Variants in CDH8 observed in about 807,000 individuals in gnomAD.
CDH8 encodes the protein cadherin 8, also known as cadherin-8.
A neutral mutation model predicts 68.1 loss-of-function variants in CDH8; 17 were observed. The observed-to-expected ratio is 0.25, with a 90% CI of 0.17 to 0.37. The LOEUF (loss-of-function observed/expected upper bound fraction) is 0.37. CDH8 is among the 10% of genes least tolerant of loss of function. The pLI, the probability that CDH8 is intolerant of heterozygous loss-of-function variation, is 1.00. For missense variants in CDH8, 763 were observed against 999.3 expected (o/e 0.76, Z 3.19); for synonymous variants, 372 against 365.1 (o/e 1.02, Z -0.21).
At chr16:61,903,155 T>A (rs1964007028) in intron 2 of CDH8, among the ~76,000 whole-genome samples, 1 of 152,176 alleles carries the variant, frequency 6.6e-6, no homozygotes, top group Non-Finnish European at 1.5e-5. Flanking sequence ...TTACATTTGG[T>A]GTCATTATTA....
chr16:61,836,047 T>A (rs189501750), intron 4 of CDH8, among the ~76,000 whole-genome samples: 1 of 152,058 alleles, frequency 6.6e-6, no homozygotes, highest in East Asian at 1.9e-4. Flanking sequence ...TCACAGAGTA[T>A]AATAGGTACT....
At chr16:61,911,517 G>C (rs978498144) in intron 2 of CDH8, among the ~76,000 whole-genome samples, 4 of 151,998 alleles carry the variant, frequency 2.6e-5, no homozygotes, top group African/African-American at 9.7e-5. Context: ...ACTAAAGCAG[G>C]CATAGGCGTT....
At chr16:61,655,318 T>G in intron 11 of CDH8, 152 bp downstream of exon 11, 1 of 741,660 alleles carries the variant, frequency 1.3e-6, no homozygotes. Flanking sequence ...TCTCTTCACT[T>G]ATTAGAGATC....
rs1346167106 is a variant in CDH8 at position 61,796,720 on chromosome 16, C to A, written c.1278-7238G>T. On this transcript the variant is annotated intron_variant, in intron 7 of 11. Coordinates refer to ENST00000577390, the MANE Select transcript of CDH8 (RefSeq NM_001796.5). The stretch of plus-strand genomic sequence containing the variant: ...TGGAAGTAAATGCTAAGGAACTGAT[C>A]CTTTTACTTTGCGGAATTAAGGATA... Among the ~76,000 whole-genome samples the A allele has an allele frequency of 2.0e-5, 3 of 152,154 alleles. No homozygotes were observed. The East Asian group carries it at 5.8e-4, about 29-fold the overall frequency.
intron 10 of CDH8, among the ~76,000 whole-genome samples, chr16:61,703,698 G>A (rs1041745657): frequency 2.0e-5 from 3 of 152,126 alleles, no homozygotes; most frequent in East Asian, 1.9e-4. Context: ...AAAATTAGCC[G>A]GGCGTGGTGG....
chr16:61,960,017 C>CAT (rs1567545592), intron 2 of CDH8, among the ~76,000 whole-genome samples: 3 of 29,460 alleles, frequency 1.0e-4, no homozygotes, highest in Non-Finnish European at 1.8e-4. Context: ...TATATATATA[C>CAT]ACACATACAC....
chr16:61,811,151 C>A (rs556679523), intron 7 of CDH8, among the ~76,000 whole-genome samples: 1 of 151,674 alleles, frequency 6.6e-6, no homozygotes, highest in Non-Finnish European at 1.5e-5. Flanking sequence ...CTAGAAATTT[C>A]TTGACAAAAT....
chr16:62,032,596 C>T (rs1902353578), intron 1 of CDH8, among the ~76,000 whole-genome samples: 1 of 152,148 alleles, frequency 6.6e-6, no homozygotes, highest in Admixed American at 6.5e-5. Flanking sequence ...TCAGCAGCAC[C>T]ACTGAGCAGA....
intron 8 of CDH8, among the ~76,000 whole-genome samples, chr16:61,731,706 C>T (rs1243068490): frequency 6.6e-6 from 1 of 151,336 alleles, no homozygotes; most frequent in Admixed American, 6.6e-5. Context: ...TATCTAGTTT[C>T]CAAAAAAAGT....
At chr16:61,951,281 G>A (rs1015182044) in intron 2 of CDH8, among the ~76,000 whole-genome samples, 1 of 152,088 alleles carries the variant, frequency 6.6e-6, no homozygotes, top group East Asian at 1.9e-4. Flanking sequence ...GGAGGCTGAG[G>A]CAGGCGGATC....
At chr16:61,734,962 G>A (rs2142910672) in intron 8 of CDH8, among the ~76,000 whole-genome samples, 1 of 152,070 alleles carries the variant, frequency 6.6e-6, no homozygotes, top group African/African-American at 2.4e-5. Flanking sequence ...CATGCCCTGA[G>A]AAGCCTCCAG....
rs568837436 is a variant in CDH8, at chr16:61,653,556, C to A, written c.*52G>T. On this transcript the variant is annotated 3_prime_UTR_variant, in exon 12 of 12. Coordinates refer to ENST00000577390, the MANE Select transcript of CDH8 (RefSeq NM_001796.5). ...CATTGGTTGTATCTAAGGGGAGTGA[C>A]CCTAGAATATTACAGAATGCTCAGT... 6.5e-7 allele frequency: 1 copy of A among 1,549,304 alleles called. No individual in the cohort carries two copies. Among genetic ancestry groups the A allele is most frequent in the African/African-American group, 1.4e-5 (1 of 72,884 alleles).
chr16:62,014,414 T>C (rs1158400511), intron 2 of CDH8, among the ~76,000 whole-genome samples: 1 of 152,110 alleles, frequency 6.6e-6, no homozygotes, highest in Non-Finnish European at 1.5e-5. Context: ...TCCTGCCAAA[T>C]TATTGGTGCA....
chr16:61,758,178 A>C (rs1960369726), intron 8 of CDH8, among the ~76,000 whole-genome samples: 1 of 152,180 alleles, frequency 6.6e-6, no homozygotes, highest in Admixed American at 6.5e-5. Flanking sequence ...TGGAAATTAG[A>C]TGAAAGGAAA....
chr16:61,730,735 A>C (rs1180414476), intron 8 of CDH8, among the ~76,000 whole-genome samples: 2 of 151,664 alleles, frequency 1.3e-5, no homozygotes, highest in Admixed American at 1.3e-4. Flanking sequence ...AGCAAAATAA[A>C]ACCTAAACTG....
intron 8 of CDH8, among the ~76,000 whole-genome samples, chr16:61,743,865 T>C (rs1176996352): frequency 2.0e-5 from 3 of 152,208 alleles, no homozygotes; most frequent in Non-Finnish European, 4.4e-5. Flanking sequence ...TCATTCATTT[T>C]TTAAATGTGT....
chr16:61,954,355 A>T (rs1163328139), intron 2 of CDH8, among the ~76,000 whole-genome samples: 4 of 152,172 alleles, frequency 2.6e-5, no homozygotes, highest in Admixed American at 6.5e-5. Flanking sequence ...TGATAATGTT[A>T]ATAGTGTGGT....
rs147896520 is a variant in CDH8 at position 61,945,772 on chromosome 16, T to C, written c.253-44299A>G. 4.6e-3 allele frequency among the ~76,000 whole-genome samples: 697 copies of C among 152,256 alleles called. 3 individuals carry two copies. The highest frequency in any genetic ancestry group is 0.016 in the African/African-American group (673 of 41,546). ...CAGCTGGTGTGAATCAAGAGAAATA[T>C]GTTGCTAAAAGGTAGTGGGGCAAGC... On this transcript the variant is annotated intron_variant, in intron 2 of 11. Transcript: ENST00000577390.
intron 8 of CDH8, among the ~76,000 whole-genome samples, chr16:61,742,250 T>C (rs1205765262): frequency 6.6e-6 from 1 of 152,162 alleles, no homozygotes; most frequent in South Asian, 2.1e-4. Flanking sequence ...TAATAGTTTA[T>C]AGATTATTTT....
Sources: allele counts gnomAD v4.1 joint callset (sites outside exome capture counted in the v4.1 genomes callset), GRCh38; gene constraint gnomAD v4.1.1; transcripts MANE v1.5; gene names NCBI Gene and HGNC (gene_info 2026-07-23, HGNC 2026-07-21).